Variants in MAP1A observed in about 807,000 individuals in gnomAD.
MAP1A encodes microtubule associated protein 1A, also known as microtubule-associated protein 1A.
Under a neutral mutation model 185.9 loss-of-function variants are expected in MAP1A, and 42 were observed. That is an observed-to-expected ratio of 0.23 (90% confidence interval 0.18 to 0.29). MAP1A has a LOEUF of 0.29. Ranked by LOEUF, MAP1A falls within the 10% of genes least tolerant of loss-of-function variation. The probability of loss-of-function intolerance (pLI) is 1.00; values close to 1 mark genes in which losing one functional copy is unlikely to be tolerated. For missense variants in MAP1A, 2,995 were observed against 3,450.4 expected, an observed-to-expected ratio of 0.87 and a Z score of 3.31; for synonymous variants, 1,229 against 1,335.9, an observed-to-expected ratio of 0.92 and a Z score of 1.74.
chr15:43,511,059 G>A, exon 1 of MAP1A: 3 of 1,549,292 alleles, frequency 1.9e-6, no homozygotes, highest in Non-Finnish European at 2.6e-6. Flanking sequence ...CTGGGGCTCC[G>A]AAGTCCCGGC....
At position 43,525,406 on chromosome 15, in the gene MAP1A, C is replaced by T. The variant is rs182020053; in HGVS notation, c.3933C>T (p.Ser1311=). 7,231 of 1,614,148 alleles carry T rather than the reference C, an allele frequency of 4.5e-3. 30 individuals are homozygous for T. The highest frequency in any genetic ancestry group is 5.0e-3 in the Non-Finnish European group (5,891 of 1,180,036). The change falls in exon 4 of 6, where the codon AGC becomes AGT. Residue 1311 remains serine, a synonymous_variant. Coordinates refer to ENST00000300231, the MANE Select transcript of MAP1A (RefSeq NM_002373.6). ...AGTACTTACCTGGGGCGATCACAAG[C>T]CCTGATGAACACATTCTGACACCTG... is the stretch of plus-strand genomic sequence containing the variant. The part of the protein sequence containing the change: ...NGKYLPGAIT[S]PDEHILTPDS...
Position 43,528,018 on chromosome 15 carries a change from C to T in MAP1A, c.6545C>T (p.Ser2182Phe). The change falls in exon 4 of 6, where the codon TCT becomes TTT. Residue 2182 changes from serine to phenylalanine, a missense_variant. Ser to Phe is a radical substitution (Grantham distance 155). Transcript: ENST00000300231. ...CAGCCAGCTCCCCCACAGCTGCCCT[C>T]TCCAGCTGAACCCCGCTCGGCACCC... ...SLQPAPPQLPSPAEPRSAPCG... is the reference protein window; with the variant it reads ...SLQPAPPQLPFPAEPRSAPCG... The T allele has an allele frequency of 6.2e-7, 1 of 1,614,052 alleles. No individual in the cohort carries two copies. The highest frequency in any genetic ancestry group is 8.5e-7 in the Non-Finnish European group (1 of 1,180,026).
In MAP1A at chr15:43,521,640, A is replaced by G. The variant is rs773351683; in HGVS notation, c.167A>G (p.Asn56Ser). Residue 56 changes from asparagine to serine, a missense_variant, in exon 4 of 6, where the codon AAT becomes AGT. Physicochemically the swap from Asn to Ser is conservative, Grantham distance 46 (BLOSUM62 1). Transcript: ENST00000300231. This position sits in a 1 kb window ranked among gnomAD's most constrained non-coding sequence, Gnocchi z 4.6. ...GRGDSALFAV[N>S]GFNILVDGGS... is the part of the protein sequence containing the mutation. The stretch of plus-strand genomic sequence containing the variant: ...GGGGACTCTGCCCTCTTTGCTGTCA[A>G]TGGTTTCAACATCCTGGTGGATGGT... 1.7e-5 allele frequency: 28 copies of G among 1,613,904 alleles called. No individual in the cohort carries two copies. The highest frequency in any genetic ancestry group is 1.6e-4 in the Middle Eastern group (1 of 6,084).
Position 43,524,363 on chromosome 15 carries a change from A to G in MAP1A, c.2890A>G (p.Ser964Gly), listed in dbSNP as rs1333169575. 1.9e-6 allele frequency: 3 copies of G among 1,614,110 alleles called. No homozygotes were observed. The highest frequency in any genetic ancestry group is 1.1e-5 in the South Asian group (1 of 91,096). The change falls in exon 4 of 6, where the codon AGT (serine) becomes GGT (glycine). Residue 964 changes from serine (S) to glycine (G), a missense_variant. Ser to Gly is a moderately conservative substitution (Grantham distance 56, BLOSUM62 0). Around this residue, in one of 3 missense-constraint regions of MAP1A, gnomAD observed 2,728 missense variants for 2,986.0 expected, o/e 0.91. Coordinates refer to ENST00000300231, the MANE Select transcript of MAP1A (RefSeq NM_002373.6). ...LCSQYGTPVF[S>G]APGHALHPGE... ...CAGTCAATATGGAACTCCAGTGTTTAGTGCCCCTGGGCATGCCCTACATCC... is the reference window on the plus strand; with the variant it reads ...CAGTCAATATGGAACTCCAGTGTTTGGTGCCCCTGGGCATGCCCTACATCC...
rs769787330 is a variant in MAP1A, at chr15:43,527,765, C to T, written c.6292C>T (p.Arg2098Trp). 10 of 1,613,720 alleles carry T rather than the reference C, an allele frequency of 6.2e-6. No homozygotes were observed. In the East Asian group the frequency reaches 8.9e-5, roughly 14 times the overall value. Residue 2098 changes from arginine to tryptophan, a missense_variant, in exon 4 of 6, where the codon CGG becomes TGG. Transcript: ENST00000300231. ...RRSPSPKESG[R>W]SHWDDSTSDS... is the part of the protein sequence containing the mutation. ...GTCCCCATCCCCCAAGGAATCAGGCCGGAGTCACTGGGATGACAGCACTAG... is the reference window on the plus strand; with the variant it reads ...GTCCCCATCCCCCAAGGAATCAGGCTGGAGTCACTGGGATGACAGCACTAG...
At position 43,522,578 on chromosome 15, in the gene MAP1A, A is replaced by C; in HGVS notation, c.1105A>C (p.Lys369Gln). 2 of 1,611,624 alleles carry C rather than the reference A, an allele frequency of 1.2e-6. No individual in the cohort carries two copies. The highest frequency in any genetic ancestry group is 1.7e-6 in the Non-Finnish European group (2 of 1,178,750). The part of the protein sequence containing the change: ...TEKKAKESSE[K>Q]PPEKPAKPER... ...GAAGAAGGCAAAAGAGTCATCTGAGAAGCCCCCAGAGAAGCCTGCCAAGCC... is the reference window on the plus strand; with the variant it reads ...GAAGAAGGCAAAAGAGTCATCTGAGCAGCCCCCAGAGAAGCCTGCCAAGCC... Residue 369 changes from lysine to glutamine, a missense_variant, in exon 4 of 6, where the codon AAG (lysine) becomes CAG (glutamine). Physicochemically the swap from Lys to Gln is moderately conservative, Grantham distance 53. Transcript: ENST00000300231. The surrounding 1 kb of genome is among the most constrained non-coding windows in gnomAD (Gnocchi z 5.9).
In MAP1A at chr15:43,521,587, T is replaced by C; in HGVS notation, c.114T>C (p.Pro38=). 1 of 1,614,164 alleles carries C rather than the reference T, an allele frequency of 6.2e-7. No individual in the cohort carries two copies. The highest frequency in any genetic ancestry group is 8.5e-7 in the Non-Finnish European group (1 of 1,180,038). Residue 38 remains proline (P), a synonymous_variant, in exon 4 of 6, where the codon CCT becomes CCC. Transcript: ENST00000300231. The surrounding 1 kb of genome is among the most constrained non-coding windows in gnomAD (Gnocchi z 4.6). ...GGGGCTTCCTCAAGCTCTCCAAGCC[T>C]TGTTGCTACATCTTCCCAGGTGGTC... The part of the protein sequence containing the change: ...TSGGFLKLSK[P]CCYIFPGGRG...
At chr15:43,515,290 T>C (rs562721950), upstream of MAP1A, among the ~76,000 whole-genome samples, 2 of 152,278 alleles carry the variant, frequency 1.3e-5, no homozygotes, top group East Asian at 3.9e-4. Context: ...CTGACGGACT[T>C]AGGAAGTGAT....
At chr15:43,512,432 C>T in intron 2 of MAP1A, 1 of 640,098 alleles carries the variant, frequency 1.6e-6, no homozygotes, top group South Asian at 1.9e-5. Flanking sequence ...CATGGAATTC[C>T]ATAGCTGTCC....
At position 43,527,938 on chromosome 15, in the gene MAP1A, G is replaced by A; in HGVS notation, c.6465G>A (p.Gly2155=). ...HVSPPLDSHL[G]PARPSLDFPA... is the part of the protein sequence containing the mutation. ...GCCCTCCCTTGGACTCACACCTGGG[G>A]CCTGCCCGACCCAGTCTGGACTTCC... The change falls in exon 4 of 6, where the codon GGG becomes GGA. Residue 2155 remains glycine (G), a synonymous_variant. Coordinates refer to ENST00000300231, the MANE Select transcript of MAP1A (RefSeq NM_002373.6). 1 of 1,614,084 alleles carries A rather than the reference G, an allele frequency of 6.2e-7. No individual in the cohort carries two copies. Among genetic ancestry groups the A allele is most frequent in the South Asian group, 1.1e-5 (1 of 91,078 alleles).
Position 43,524,291 on chromosome 15 carries a change from G to A in MAP1A, c.2818G>A (p.Glu940Lys). ...CTTGTCTGGAGAGAGAGCTGTGGAA[G>A]AGGAAGAGGAGGAGACAGCAAACGT... The part of the protein sequence containing the change: ...KGLSGERAVE[E>K]EEEETANVEM... The change falls in exon 4 of 6, where the codon GAG becomes AAG. Residue 940 changes from glutamate (E) to lysine (K), a missense_variant. Physicochemically the swap from Glu to Lys is moderately conservative, Grantham distance 56. Coordinates refer to ENST00000300231, the MANE Select transcript of MAP1A (RefSeq NM_002373.6). The A allele has an allele frequency of 6.2e-7, 1 of 1,614,244 alleles. No individual in the cohort carries two copies.
Position 43,527,567 on chromosome 15 carries a change from A to G in MAP1A, c.6094A>G (p.Thr2032Ala). ...SPKSLQSDTP[T>A]FSYAALAGPT... ...CAAGAGCCTCCAGTCTGACACTCCAACCTTCAGCTATGCAGCCCTGGCAGG... is the reference window on the plus strand; with the variant it reads ...CAAGAGCCTCCAGTCTGACACTCCAGCCTTCAGCTATGCAGCCCTGGCAGG... Residue 2032 changes from threonine (T) to alanine (A), a missense_variant, in exon 4 of 6, where the codon ACC becomes GCC. Physicochemically the swap from Thr to Ala is moderately conservative, Grantham distance 58 (BLOSUM62 0). Transcript: ENST00000300231. 2 of 1,614,022 alleles carry G rather than the reference A, an allele frequency of 1.2e-6. No homozygotes were observed. Among genetic ancestry groups the G allele is most frequent in the Non-Finnish European group, 1.7e-6 (2 of 1,179,996 alleles).
intron 2 of MAP1A, 61 bp downstream of exon 2, chr15:43,520,784 C>A: frequency 7.2e-7 from 1 of 1,397,100 alleles, no homozygotes. Flanking sequence ...CCCACCCTTG[C>A]CAGTGCTACC....
At chr15:43,510,978 C>G in exon 1 of MAP1A, 4 of 1,520,120 alleles carry the variant, frequency 2.6e-6, no homozygotes, top group Non-Finnish European at 2.7e-6. Context: ...TAACACTCCG[C>G]GGGTGTTTCC....
intron 1 of MAP1A, chr15:43,511,306 C>A: frequency 1.9e-6 from 2 of 1,070,326 alleles, no homozygotes; most frequent in Non-Finnish European, 2.8e-6. Flanking sequence ...CCAATGCATA[C>A]GTCTGCATCT....
intron 1 of MAP1A, chr15:43,511,326 G>A: frequency 1.1e-6 from 1 of 912,178 alleles, no homozygotes; most frequent in Non-Finnish European, 1.7e-6. Context: ...TCCATCCCTA[G>A]TGTGCACTTC....
chr15:43,512,129 C>A, intron 1 of MAP1A: 1 of 900,180 alleles, frequency 1.1e-6, no homozygotes, highest in Non-Finnish European at 1.8e-6. Context: ...AGTGTTCCTG[C>A]AGTCTCACCA....
At position 43,529,653 on chromosome 15, in the gene MAP1A, C is replaced by G. The variant is rs764849810; in HGVS notation, c.8039C>G (p.Ala2680Gly). The G allele has an allele frequency of 1.4e-5, 22 of 1,613,928 alleles. No homozygotes were observed. Among genetic ancestry groups the G allele is most frequent in the East Asian group, 1.3e-4 (6 of 44,894 alleles). ...LVNGLKAGPM[A>G]LSSKGSSGAP... ...GAATCCTGGCTTGTCTCTACAGTGGCCTTGAGTTCCAAGGGCAGCTCTGGT... is the reference window on the plus strand; with the variant it reads ...GAATCCTGGCTTGTCTCTACAGTGGGCTTGAGTTCCAAGGGCAGCTCTGGT... Residue 2680 changes from alanine (A) to glycine (G), a missense_variant, in exon 5 of 6, where the codon GCC becomes GGC. Coordinates refer to ENST00000300231, the MANE Select transcript of MAP1A (RefSeq NM_002373.6). The surrounding 1 kb of genome is among the most constrained non-coding windows in gnomAD (Gnocchi z 4.3).
rs963085071 is a variant in MAP1A, at chr15:43,520,823, C to A, written c.-292+100C>A. On this transcript the variant is annotated intron_variant, in intron 2 of 5. Transcript: ENST00000300231. Reference sequence around the variant, plus strand: ...ATTAGGCCAAGAATTCCTCTCTCTGCCATCTAAGCTGACGTATTGTCTCCA... The same window carrying A: ...ATTAGGCCAAGAATTCCTCTCTCTGACATCTAAGCTGACGTATTGTCTCCA... 5 of 1,305,000 alleles carry A rather than the reference C, an allele frequency of 3.8e-6. No individual in the cohort carries two copies. In the African/African-American group the frequency reaches 5.9e-5, roughly 15 times the overall value. The allele number at this position is 1,305,000 out of a possible 1,614,324, so 80.8% of individuals were successfully genotyped here.
Sources: gnomAD v4.1 joint callset for allele counts (sites outside exome capture counted in the v4.1 genomes callset) on GRCh38, gnomAD v4.1.1 for gene constraint, gnomAD v4.1.1 regional missense constraint, Gnocchi (gnomAD v3.1) non-coding constraint, MANE v1.5 for transcripts, NCBI Gene and HGNC (gene_info 2026-07-23, HGNC 2026-07-21) for gene names.